The following GABBR2 variants were observed in gnomAD, a reference collection of about 807,000 sequenced individuals.
GABBR2 encodes the protein G-protein coupled receptor 51.
In GABBR2, 23 loss-of-function variants were observed where a neutral mutation model predicts 105.6. The observed-to-expected ratio is 0.22, with a 90% CI of 0.16 to 0.31. The LOEUF is 0.31. GABBR2 is among the 10% of genes least tolerant of loss of function. The pLI is 1.00. For synonymous variants in GABBR2, 478 were observed against 499.7 expected (o/e 0.96, Z 0.58); for missense variants, 734 against 1,245.5 (o/e 0.59, Z 6.18).
At chr9:98,325,996 C>T (rs1364783955) in intron 13 of GABBR2, among the ~76,000 whole-genome samples, 6 of 152,168 alleles carry the variant, frequency 3.9e-5, no homozygotes, top group African/African-American at 7.2e-5. Context: ...CTTGTCATCT[C>T]GTCCCTCATG....
At chr9:98,437,652 A>G (rs1051026505) in intron 7 of GABBR2, among the ~76,000 whole-genome samples, 2 of 150,654 alleles carry the variant, frequency 1.3e-5, no homozygotes, top group African/African-American at 4.9e-5. Flanking sequence ...TAATCCATCC[A>G]TCTACCCACA....
intron 1 of GABBR2, among the ~76,000 whole-genome samples, chr9:98,698,179 C>G (rs571213238): frequency 6.6e-6 from 1 of 152,298 alleles, no homozygotes; most frequent in East Asian, 1.9e-4. Flanking sequence ...TAGATTTTAT[C>G]TGAACAGTGA....
intron 13 of GABBR2, among the ~76,000 whole-genome samples, chr9:98,338,788 C>G (rs10125457): frequency 0.067 from 10,166 of 152,164 alleles, 441 homozygotes; most frequent in African/African-American, 0.11. Context: ...AGGTATATAT[C>G]CAAGAGAACT....
At chr9:98,600,528 G>A (rs956784303) in intron 1 of GABBR2, among the ~76,000 whole-genome samples, 8 of 152,254 alleles carry the variant, frequency 5.3e-5, no homozygotes, top group African/African-American at 1.9e-4. Context: ...TCTAGATTCT[G>A]ACTCTGAGAA....
intron 1 of GABBR2, among the ~76,000 whole-genome samples, chr9:98,599,053 G>A (rs1042349148): frequency 6.6e-6 from 1 of 152,142 alleles, no homozygotes; most frequent in Non-Finnish European, 1.5e-5. Context: ...CAGGCTGACC[G>A]GGAGACAAGA....
chr9:98,295,712 G>T (rs1489892726), intron 17 of GABBR2, among the ~76,000 whole-genome samples: 1 of 152,166 alleles, frequency 6.6e-6, no homozygotes, highest in African/African-American at 2.4e-5. Context: ...TTTCAGTGGA[G>T]ACAGGGTTTC....
At chr9:98,620,116 C>A (rs1829647555) in intron 1 of GABBR2, among the ~76,000 whole-genome samples, 1 of 152,226 alleles carries the variant, frequency 6.6e-6, no homozygotes, top group Admixed American at 6.5e-5. Flanking sequence ...CCAATTCTCC[C>A]AAACCCCTTG....
intron 7 of GABBR2, among the ~76,000 whole-genome samples, chr9:98,441,098 T>TA (rs1027747346): frequency 2.6e-5 from 4 of 152,226 alleles, no homozygotes; most frequent in African/African-American, 9.6e-5. Flanking sequence ...TTTCAACATG[T>TA]AAAAATGCAC....
chr9:98,427,174 A>C (rs753460233), intron 7 of GABBR2, among the ~76,000 whole-genome samples: 1 of 152,160 alleles, frequency 6.6e-6, no homozygotes, highest in Non-Finnish European at 1.5e-5. Context: ...ATGAACAAAC[A>C]CAGTTGAGTG....
intron 13 of GABBR2, among the ~76,000 whole-genome samples, chr9:98,336,399 C>T (rs1205491082): frequency 6.6e-6 from 1 of 152,110 alleles, no homozygotes; most frequent in Non-Finnish European, 1.5e-5. Flanking sequence ...TAGTAAGATA[C>T]GTCGTGCGTT....
At chr9:98,465,433 A>C (rs1202816433) in intron 6 of GABBR2, among the ~76,000 whole-genome samples, 1 of 152,254 alleles carries the variant, frequency 6.6e-6, no homozygotes, top group African/African-American at 2.4e-5. Context: ...AAAACAATAG[A>C]GTTTCTAAAA....
chr9:98,414,526 T>C (rs541857841), intron 7 of GABBR2, among the ~76,000 whole-genome samples: 7 of 152,322 alleles, frequency 4.6e-5, no homozygotes, highest in Admixed American at 4.6e-4. Flanking sequence ...GAGGAGCAAC[T>C]GAAGGGTTTT....
Position 98,385,757 on chromosome 9 carries a change from C to G in GABBR2, c.1545G>C (p.Ser515=), listed in dbSNP as rs374493679. 62 of 1,609,984 alleles carry G rather than the reference C, an allele frequency of 3.9e-5. No homozygotes were observed. Among genetic ancestry groups the G allele is most frequent in the Non-Finnish European group, 5.0e-5 (59 of 1,176,510 alleles). The part of the protein sequence containing the change: ...KNRNQKLIKM[S]SPYMNNLIIL... The stretch of plus-strand genomic sequence containing the variant: ...TGATAAGGTTGTTCATGTATGGACT[C>G]GACATCTTTATGAGCCTGACAAGAG... The change falls in exon 11 of 19, where the codon TCG becomes TCC. Residue 515 remains serine (S), a synonymous_variant. Transcript: ENST00000259455.
intron 11 of GABBR2, chr9:98,375,273 C>T (rs661532): frequency 0.13 from 19,571 of 152,312 alleles, 1,487 homozygotes; most frequent in South Asian, 0.24. Flanking sequence ...CCTTGTTCTT[C>T]ACAACTTCTC....
intron 2 of GABBR2, among the ~76,000 whole-genome samples, chr9:98,568,573 T>G (rs762145097): frequency 6.6e-6 from 1 of 151,844 alleles, no homozygotes; most frequent in African/African-American, 2.4e-5. Flanking sequence ...AGCTGGGAGA[T>G]TTGGGGCAAA....
At position 98,381,821 on chromosome 9, in the gene GABBR2, G is replaced by T. The variant is rs547005690; in HGVS notation, c.1662+3819C>A. Among the ~76,000 whole-genome samples, 10 of 152,256 alleles carry T rather than the reference G, an allele frequency of 6.6e-5. No homozygotes were observed. In the East Asian group the frequency reaches 1.9e-3, roughly 29 times the overall value. ...GATTTATTCATATCAGCCTTCCCCG[G>T]CTTCCCAGGACAACCTTCCCCTCAC... On this transcript the variant is annotated intron_variant, in intron 11 of 18. Transcript: ENST00000259455.
intron 3 of GABBR2, among the ~76,000 whole-genome samples, chr9:98,513,090 G>T (rs1309275716): frequency 6.6e-6 from 1 of 152,132 alleles, no homozygotes; most frequent in Non-Finnish European, 1.5e-5. Context: ...AGAGCCCTCA[G>T]AAATAATGCC....
intron 7 of GABBR2, among the ~76,000 whole-genome samples, chr9:98,428,031 G>A (rs1466146051): frequency 6.6e-6 from 1 of 152,178 alleles, no homozygotes; most frequent in Non-Finnish European, 1.5e-5. Flanking sequence ...CAGAAACTAT[G>A]TGAGATAATA....
chr9:98,355,461 G>A (rs971939466), intron 13 of GABBR2, among the ~76,000 whole-genome samples: 11 of 152,076 alleles, frequency 7.2e-5, no homozygotes, highest in Admixed American at 2.6e-4. Context: ...AATTAAAAAC[G>A]CAATCCCATT....
Sources: gnomAD v4.1 joint callset for allele counts (sites outside exome capture counted in the v4.1 genomes callset) on GRCh38, gnomAD v4.1.1 for gene constraint, MANE v1.5 for transcripts, NCBI Gene and HGNC (gene_info 2026-07-23, HGNC 2026-07-21) for gene names.